SAXO1: variants seen among roughly 807,000 people sequenced by gnomAD.
SAXO1 encodes the protein 4930500O09Rik.
A neutral mutation model predicts 17.5 loss-of-function variants in SAXO1; 21 were observed. That is an observed-to-expected ratio of 1.20 (90% CI 0.85 to 1.72). The LOEUF (loss-of-function observed/expected upper bound fraction) is 1.72, where lower values mean the gene tolerates loss of function less well. SAXO1 is among the 40% of genes most tolerant of loss of function. SAXO1 has a pLI of 0.00. For synonymous variants in SAXO1, 274 were observed against 216.5 expected (o/e 1.27, Z -2.33); for missense variants, 843 against 596.0 (o/e 1.41, Z -4.32).
chr9:19,015,107 C>G (rs1563982482), intron 1 of SAXO1, among the ~76,000 whole-genome samples: 1 of 151,984 alleles, frequency 6.6e-6, no homozygotes, highest in Non-Finnish European at 1.5e-5. Context: ...CAACCCCTTC[C>G]AAAAAAGCCT....
chr9:19,005,205 T>G (rs1473207200), intron 1 of SAXO1, among the ~76,000 whole-genome samples: 2 of 152,170 alleles, frequency 1.3e-5, no homozygotes, highest in Admixed American at 1.3e-4. Flanking sequence ...ATGACAATAT[T>G]ACCCAAAGTG....
rs1831570243 is a variant in SAXO1, at chr9:18,941,751, T to C, written c.307A>G (p.Thr103Ala). ...GGATTGTAATCTTTCTTATACGTCG[T>C]GAGCAAATCCATATTCTCTTCACTC... Reference protein sequence around the residue: ...VPSEENMDLLTTYKKDYNPYP... With the variant: ...VPSEENMDLLATYKKDYNPYP... The change falls in exon 3 of 4, where the codon ACG (threonine) becomes GCG (alanine). Residue 103 changes from threonine (T) to alanine (A), a missense_variant. Coordinates refer to ENST00000380534, the MANE Select transcript of SAXO1 (RefSeq NM_153707.4). 3 of 1,614,076 alleles carry C rather than the reference T, an allele frequency of 1.9e-6. No homozygotes were observed. The highest frequency in any genetic ancestry group is 2.7e-5 in the African/African-American group (2 of 74,920).
At chr9:18,936,281 G>A (rs10963848) in intron 3 of SAXO1, among the ~76,000 whole-genome samples, 100 of 151,984 alleles carry the variant, frequency 6.6e-4, no homozygotes, top group Non-Finnish European at 1.3e-3. Flanking sequence ...AGCCATTAAC[G>A]GCTCTATCAG....
At chr9:19,029,834 C>G (rs564529380) in intron 1 of SAXO1, among the ~76,000 whole-genome samples, 1 of 152,148 alleles carries the variant, frequency 6.6e-6, no homozygotes, top group African/African-American at 2.4e-5. Flanking sequence ...CTGGACAGTA[C>G]ATCTCTAAAT....
intron 1 of SAXO1, among the ~76,000 whole-genome samples, chr9:19,038,984 C>T (rs999667259): frequency 6.6e-6 from 1 of 151,886 alleles, no homozygotes; most frequent in Non-Finnish European, 1.5e-5. Flanking sequence ...AGTGGTGCTG[C>T]ACAATTTTTA....
At chr9:19,028,103 A>G in intron 1 of SAXO1, 1 of 1,611,750 alleles carries the variant, frequency 6.2e-7, no homozygotes, top group South Asian at 1.1e-5. Context: ...GTCCAGGCCA[A>G]GAAGAAAGCC....
intron 1 of SAXO1, among the ~76,000 whole-genome samples, chr9:18,956,079 T>C (rs796246598): frequency 1.4e-4 from 21 of 149,474 alleles, no homozygotes; most frequent in African/African-American, 4.9e-4. Flanking sequence ...TAGCTGGGAC[T>C]ACAGGCATGC....
chr9:19,044,735 C>T (rs533844838), intron 1 of SAXO1, among the ~76,000 whole-genome samples: 5 of 151,754 alleles, frequency 3.3e-5, no homozygotes, highest in East Asian at 3.9e-4. Flanking sequence ...TGGTGGCGGG[C>T]GCCTGTAGTC....
At chr9:18,948,054 G>C (rs139606838) in intron 2 of SAXO1, among the ~76,000 whole-genome samples, 100 of 152,326 alleles carry the variant, frequency 6.6e-4, no homozygotes, top group African/African-American at 2.4e-3. Context: ...CCAGTAATAA[G>C]AGTGCTAAGA....
chr9:18,944,959 T>C (rs1831726778), intron 2 of SAXO1, among the ~76,000 whole-genome samples: 1 of 152,226 alleles, frequency 6.6e-6, no homozygotes, highest in African/African-American at 2.4e-5. Context: ...GTTCCTCCTC[T>C]TGGCCAAAGC....
At chr9:19,039,693 A>G (rs1222179463) in intron 1 of SAXO1, among the ~76,000 whole-genome samples, 2 of 152,286 alleles carry the variant, frequency 1.3e-5, no homozygotes, top group East Asian at 3.9e-4. Flanking sequence ...GGTTGGCTTC[A>G]TTATGTTTTA....
At chr9:19,045,730 T>C (rs1054896588) in intron 1 of SAXO1, among the ~76,000 whole-genome samples, 9 of 152,222 alleles carry the variant, frequency 5.9e-5, no homozygotes, top group Non-Finnish European at 1.5e-5. Context: ...ATGAACCTGA[T>C]AGTCTTCAAT....
chr9:18,965,285 G>A (rs1251240650), intron 1 of SAXO1, among the ~76,000 whole-genome samples: 21 of 152,220 alleles, frequency 1.4e-4, no homozygotes, highest in Admixed American at 1.2e-3. Context: ...CTTGGTCCAG[G>A]GCTGAGTTCA....
chr9:18,941,590 A>C, intron 3 of SAXO1, 47 bp downstream of exon 3: 1 of 1,608,836 alleles, frequency 6.2e-7, no homozygotes, highest in Non-Finnish European at 8.5e-7. Flanking sequence ...GCCCGCACAC[A>C]GGCTCAGCCT....
intron 1 of SAXO1, among the ~76,000 whole-genome samples, chr9:19,008,732 G>A (rs73433260): frequency 0.026 from 3,942 of 152,218 alleles, 175 homozygotes; most frequent in African/African-American, 0.09. Context: ...CACTCAGCCC[G>A]ACTATGACGA....
intron 1 of SAXO1, among the ~76,000 whole-genome samples, chr9:18,998,475 A>G (rs1376843699): frequency 6.6e-6 from 1 of 152,220 alleles, no homozygotes; most frequent in African/African-American, 2.4e-5. Context: ...TGAAAAGACC[A>G]AATCTATGTC....
At chr9:19,027,884 A>T (rs1835569164) in intron 1 of SAXO1, 1 of 1,366,844 alleles carries the variant, frequency 7.3e-7, no homozygotes, top group African/African-American at 1.4e-5. Flanking sequence ...CCTGGACCGC[A>T]AGATCGAGTG....
At chr9:19,028,616 G>C (rs1189581672) in intron 1 of SAXO1, among the ~76,000 whole-genome samples, 4 of 152,128 alleles carry the variant, frequency 2.6e-5, no homozygotes, top group Non-Finnish European at 5.9e-5. Context: ...CTGCTTTTTT[G>C]GTGCTGATTA....
At position 18,982,378 on chromosome 9, in the gene SAXO1, G is replaced by A. The variant is rs374647722; in HGVS notation, c.39-31441C>T. ...AATTCCCTCCCCAGGGAAGGTGTCC[G>A]AGGGAGACCAAATCTGGGGCCCTGC... On this transcript the variant is annotated intron_variant, in intron 1 of 3. Coordinates refer to ENST00000380534, the MANE Select transcript of SAXO1 (RefSeq NM_153707.4). 7.9e-5 allele frequency among the ~76,000 whole-genome samples: 12 copies of A among 152,286 alleles called. No individual in the cohort carries two copies. In the East Asian group the frequency reaches 1.2e-3, roughly 15 times the overall value.
Sources: gnomAD v4.1 joint callset for allele counts (sites outside exome capture counted in the v4.1 genomes callset) on GRCh38, gnomAD v4.1.1 for gene constraint, MANE v1.5 for transcripts, NCBI Gene and HGNC (gene_info 2026-07-23, HGNC 2026-07-21) for gene names.